The following GPC5 variants were observed in gnomAD, a reference collection of about 807,000 sequenced individuals.
GPC5 encodes glypican-5.
In GPC5, 47 loss-of-function variants were observed where a neutral mutation model predicts 53.9. The ratio of observed to expected loss-of-function variants is 0.87; its 90% CI spans 0.69 to 1.11. GPC5 has a LOEUF of 1.11. Ranked by LOEUF, GPC5 falls within the 50% of genes most tolerant of loss-of-function variation. The probability of loss-of-function intolerance (pLI) is 0.00; values close to 1 mark genes in which losing one functional copy is unlikely to be tolerated. For missense variants in GPC5, 748 were observed against 713.1 expected (o/e 1.05, Z -0.56); for synonymous variants, 286 against 263.3 (o/e 1.09, Z -0.84).
intron 7 of GPC5, among the ~76,000 whole-genome samples, chr13:92,775,975 G>T (rs1285422169): frequency 1.3e-5 from 2 of 152,194 alleles, no homozygotes; most frequent in Non-Finnish European, 2.9e-5. Context: ...TACAAGCCTT[G>T]CCCTCTTGGA....
At chr13:91,794,135 C>A (rs1163705171) in intron 5 of GPC5, among the ~76,000 whole-genome samples, 2 of 152,034 alleles carry the variant, frequency 1.3e-5, no homozygotes, top group Non-Finnish European at 2.9e-5. Flanking sequence ...GTTTTATTTT[C>A]TGCCTTCTGA....
At chr13:91,475,767 G>A (rs1882891898) in intron 2 of GPC5, among the ~76,000 whole-genome samples, 1 of 152,160 alleles carries the variant, frequency 6.6e-6, no homozygotes, top group Non-Finnish European at 1.5e-5. Flanking sequence ...GAAAGATAAA[G>A]TGCCTCTTAA....
intron 7 of GPC5, among the ~76,000 whole-genome samples, chr13:92,306,692 A>G (rs1300955421): frequency 6.6e-6 from 1 of 152,198 alleles, no homozygotes; most frequent in Non-Finnish European, 1.5e-5. Flanking sequence ...AACCTATGTC[A>G]TAGTTACCTT....
intron 7 of GPC5, among the ~76,000 whole-genome samples, chr13:92,545,911 G>A (rs1230643381): frequency 2.0e-5 from 3 of 152,096 alleles, no homozygotes; most frequent in Non-Finnish European, 4.4e-5. Flanking sequence ...CTGTGCAGAA[G>A]CTCTTTAGTT....
At chr13:91,746,019 A>C (rs896752924) in intron 4 of GPC5, among the ~76,000 whole-genome samples, 2 of 152,238 alleles carry the variant, frequency 1.3e-5, no homozygotes, top group African/African-American at 2.4e-5. Flanking sequence ...AAATAGAATG[A>C]CAGGTGAGAA....
chr13:91,572,091 ATGTGTG>A lies in GPC5; in HGVS notation c.326-121092_326-121087del, dbSNP rs1386352041. On this transcript the variant is annotated intron_variant, in intron 2 of 7. Transcript: ENST00000377067. ...TATATACACACATATGTATATGTACATGTGTGTGTATATACACACATGTATATATAC... is the reference window on the plus strand; with the variant it reads ...TATATACACACATATGTATATGTACATGTATATACACACATGTATATATAC... Among the ~76,000 whole-genome samples the A allele has an allele frequency of 1.4e-4, 18 of 127,324 alleles. 1 individual carries two copies. In the South Asian group the frequency reaches 2.9e-3, roughly 21 times the overall value. 83.5% of individuals were successfully genotyped at this position (127,324 alleles called of 152,430 possible). A position where few individuals can be genotyped will look rare whatever the true frequency, so the allele number is the denominator to read the frequency against.
At chr13:91,680,224 G>A (rs971159937) in intron 2 of GPC5, among the ~76,000 whole-genome samples, 6 of 152,200 alleles carry the variant, frequency 3.9e-5, no homozygotes, top group African/African-American at 9.6e-5. Flanking sequence ...GCCGAGGGGG[G>A]CAGATCATGA....
intron 2 of GPC5, among the ~76,000 whole-genome samples, chr13:91,653,194 T>G (rs2034759721): frequency 6.6e-6 from 1 of 152,192 alleles, no homozygotes; most frequent in Non-Finnish European, 1.5e-5. Context: ...GTAAAAACCT[T>G]TCACCTTGTG....
At position 92,069,407 on chromosome 13, in the gene GPC5, CATGTGTGT is replaced by C. The variant is rs1292319983; in HGVS notation, c.1402-75422_1402-75415del. 5.4e-5 allele frequency among the ~76,000 whole-genome samples: 6 copies of C among 110,670 alleles called. No homozygotes were observed. In the East Asian group the frequency reaches 1.2e-3, roughly 21 times the overall value. The allele number at this position is 110,670 out of a possible 152,430, so 72.6% of individuals were successfully genotyped here. A position where few individuals can be genotyped will look rare whatever the true frequency, so the allele number is the denominator to read the frequency against. ...GCTTTATTATCATAATGTGTGCGTG[CATGTGTGT>C]GTGTGTGTGTGTGTGTGTGTGTGTG... is the stretch of plus-strand genomic sequence containing the variant. On this transcript the variant is annotated intron_variant, in intron 6 of 7. Transcript: ENST00000377067.
At chr13:91,469,313 T>A (rs1405771637) in intron 2 of GPC5, among the ~76,000 whole-genome samples, 2 of 152,158 alleles carry the variant, frequency 1.3e-5, no homozygotes, top group African/African-American at 4.8e-5. Flanking sequence ...TTTATTGTTT[T>A]GGCTGGGCTA....
chr13:91,573,862 C>T (rs753982473), intron 2 of GPC5, among the ~76,000 whole-genome samples: 2 of 152,070 alleles, frequency 1.3e-5, no homozygotes, highest in Non-Finnish European at 2.9e-5. Flanking sequence ...TATCCCTCTT[C>T]AAAGTTTTAT....
intron 7 of GPC5, among the ~76,000 whole-genome samples, chr13:92,546,797 A>G (rs1359707896): frequency 6.6e-6 from 1 of 152,240 alleles, no homozygotes; most frequent in East Asian, 1.9e-4. Context: ...CCAAAACAGC[A>G]TGGTACTGCT....
intron 7 of GPC5, among the ~76,000 whole-genome samples, chr13:92,206,475 C>G (rs907187912): frequency 6.6e-6 from 1 of 151,358 alleles, no homozygotes; most frequent in South Asian, 2.1e-4. Flanking sequence ...ATGCAGCCAC[C>G]GCACCCGGCT....
intron 7 of GPC5, among the ~76,000 whole-genome samples, chr13:92,792,336 C>G (rs1876494557): frequency 6.6e-6 from 1 of 152,096 alleles, no homozygotes; most frequent in Admixed American, 6.6e-5. Context: ...AAATAAAATA[C>G]TTTACATACA....
At chr13:91,449,030 A>G in intron 2 of GPC5, 108 bp downstream of exon 2, 1 of 1,206,638 alleles carries the variant, frequency 8.3e-7, no homozygotes, top group Non-Finnish European at 1.2e-6. Context: ...TATTTACATA[A>G]TATTCGGGTA....
intron 2 of GPC5, among the ~76,000 whole-genome samples, chr13:91,613,393 T>A (rs935567880): frequency 6.6e-6 from 1 of 152,098 alleles, no homozygotes; most frequent in Non-Finnish European, 1.5e-5. Context: ...GCAAGAATAG[T>A]ATGGGGGAAT....
intron 7 of GPC5, among the ~76,000 whole-genome samples, chr13:92,155,501 C>A: frequency 6.6e-6 from 1 of 152,098 alleles, no homozygotes; most frequent in Non-Finnish European, 1.5e-5. Context: ...TTCTAGGAGG[C>A]TTTTATTGAA....
intron 2 of GPC5, among the ~76,000 whole-genome samples, chr13:91,482,751 G>A (rs1036150999): frequency 3.9e-5 from 6 of 152,162 alleles, no homozygotes; most frequent in African/African-American, 1.4e-4. Flanking sequence ...TATCAACATG[G>A]CATCTGTAAT....
At chr13:92,365,938 C>A (rs7332149) in intron 7 of GPC5, among the ~76,000 whole-genome samples, 70,413 of 151,244 alleles carry the variant, frequency 0.47, 18,098 homozygotes, top group African/African-American at 0.68. Flanking sequence ...TAACCATAAG[C>A]AGCACAGTAT....
Sources: allele counts gnomAD v4.1 joint callset (sites outside exome capture counted in the v4.1 genomes callset), GRCh38; gene constraint gnomAD v4.1.1; transcripts MANE v1.5; gene names NCBI Gene and HGNC (gene_info 2026-07-23, HGNC 2026-07-21).